CRCP: variants seen among roughly 807,000 people sequenced by gnomAD.
CRCP encodes DNA-directed RNA polymerase III subunit RPC9.
A neutral mutation model predicts 18.5 loss-of-function variants in CRCP; 18 were observed. The ratio of observed to expected loss-of-function variants is 0.97; its 90% CI spans 0.67 to 1.44. The LOEUF is 1.44. Among genes scored for constraint, CRCP ranks in the 40% most tolerant of loss-of-function variants. The pLI is 0.00. For synonymous variants in CRCP, 53 were observed against 62.9 expected (o/e 0.84, Z 0.75); for missense variants, 130 against 176.4 (o/e 0.74, Z 1.49).
intron 5 of CRCP, among the ~76,000 whole-genome samples, chr7:66,147,110 G>T (rs766188794): frequency 6.6e-6 from 1 of 152,134 alleles, no homozygotes; most frequent in Non-Finnish European, 1.5e-5. Flanking sequence ...GAGAGGCCAA[G>T]GTGGGCAGAT....
Position 66,118,472 on chromosome 7 carries a change from A to G in CRCP, c.8+3502A>G, listed in dbSNP as rs138968903. Among the ~76,000 whole-genome samples the G allele has an allele frequency of 1.8e-3, 277 of 152,352 alleles. 1 individual carries two copies. The highest frequency in any genetic ancestry group is 6.3e-3 in the African/African-American group (261 of 41,590). On this transcript the variant is annotated intron_variant, in intron 1 of 5. Coordinates refer to ENST00000395326, the MANE Select transcript of CRCP (RefSeq NM_014478.5). Reference sequence around the variant, plus strand: ...CTGTTCACCTAGTGCTTAGCATTGCATCTGGCACACAGTAGGCATTCAGCA... The same window carrying G: ...CTGTTCACCTAGTGCTTAGCATTGCGTCTGGCACACAGTAGGCATTCAGCA...
chr7:66,143,442 C>T (rs1032748907), intron 4 of CRCP, among the ~76,000 whole-genome samples: 2 of 152,148 alleles, frequency 1.3e-5, no homozygotes, highest in Admixed American at 6.5e-5. Context: ...CCTAAAACTC[C>T]GGGAGCTTTC....
chr7:66,118,455 C>T (rs995375391), intron 1 of CRCP, among the ~76,000 whole-genome samples: 2 of 152,160 alleles, frequency 1.3e-5, no homozygotes, highest in African/African-American at 4.8e-5. Context: ...GTCTGTTCAC[C>T]TAGTGCTTAG....
At chr7:66,127,874 G>T (rs1787662147) in intron 2 of CRCP, 134 bp downstream of exon 2, 1 of 929,800 alleles carries the variant, frequency 1.1e-6, no homozygotes. Context: ...AGCACTTTGG[G>T]AGGCTGAGGC....
At chr7:66,139,117 T>C (rs1435234755) in intron 4 of CRCP, among the ~76,000 whole-genome samples, 1 of 152,206 alleles carries the variant, frequency 6.6e-6, no homozygotes. Flanking sequence ...TCTCTTTTTT[T>C]TCCTGTCTCT....
chr7:66,117,737 C>T (rs1787312771), intron 1 of CRCP, among the ~76,000 whole-genome samples: 1 of 152,126 alleles, frequency 6.6e-6, no homozygotes, highest in Admixed American at 6.6e-5. Context: ...CATTGACTTT[C>T]CATTGTACTT....
At chr7:66,130,664 T>G (rs1399207047) in intron 2 of CRCP, 80 bp from the exon 3 acceptor site, 1 of 802,150 alleles carries the variant, frequency 1.2e-6, no homozygotes, top group East Asian at 2.5e-5. Flanking sequence ...ACTTTCCTGT[T>G]TATCCTTCAA....
At chr7:66,125,314 G>A (rs895193160) in intron 1 of CRCP, among the ~76,000 whole-genome samples, 4 of 149,046 alleles carry the variant, frequency 2.7e-5, no homozygotes, top group Non-Finnish European at 4.5e-5. Context: ...GATAAAAACT[G>A]CCTTTAAAAA....
intron 3 of CRCP, among the ~76,000 whole-genome samples, chr7:66,133,277 G>C (rs1238957641): frequency 6.6e-6 from 1 of 152,042 alleles, no homozygotes; most frequent in African/African-American, 2.4e-5. Flanking sequence ...AGGCCGAGGC[G>C]GGTGGATCAC....
At chr7:66,129,208 C>T (rs1787712632) in intron 2 of CRCP, among the ~76,000 whole-genome samples, 1 of 152,144 alleles carries the variant, frequency 6.6e-6, no homozygotes, top group South Asian at 2.1e-4. Context: ...TGGCGGGCGC[C>T]TGTAATCCCA....
Position 66,131,148 on chromosome 7 carries a change from G to A in CRCP, c.144+306G>A, listed in dbSNP as rs1787791257. Among the ~76,000 whole-genome samples, 3 of 151,890 alleles carry A rather than the reference G, an allele frequency of 2.0e-5. No individual in the cohort carries two copies. The South Asian group carries it at 6.2e-4, about 32-fold the overall frequency. On this transcript the variant is annotated intron_variant, in intron 3 of 5. Transcript: ENST00000395326. The stretch of plus-strand genomic sequence containing the variant: ...CTCCACCACGGCCAGCTGATTTTTT[G>A]TATTTTTAGTAGAGACAGGGTTTCA...
chr7:66,115,190 C>T lies in CRCP; in HGVS notation c.8+220C>T, dbSNP rs571937205. ...CTTCCCCTCCACGCCGTGTCTGGTG[C>T]GGGGCCGAGCACTTCCGTGTCCGGC... On this transcript the variant is annotated intron_variant, in intron 1 of 5. Transcript: ENST00000395326. 2.1e-3 allele frequency among the ~76,000 whole-genome samples: 324 copies of T among 152,284 alleles called. 2 individuals are homozygous for T. Among genetic ancestry groups the T allele is most frequent in the African/African-American group, 7.6e-3 (317 of 41,556 alleles).
chr7:66,142,553 G>A (rs1287364655), intron 4 of CRCP, among the ~76,000 whole-genome samples: 2 of 152,186 alleles, frequency 1.3e-5, no homozygotes, highest in Non-Finnish European at 2.9e-5. Flanking sequence ...GAGTGCAGTG[G>A]TGTGATCATA....
At chr7:66,117,742 G>A (rs190758371) in intron 1 of CRCP, among the ~76,000 whole-genome samples, 1 of 152,208 alleles carries the variant, frequency 6.6e-6, no homozygotes, top group East Asian at 1.9e-4. Context: ...ACTTTCCATT[G>A]TACTTAGAGA....
rs5884583 is a variant in CRCP at position 66,134,259 on chromosome 7, C to CT, written c.145-6dup. ...TCTTTGTCTTATGCTTGGCTTTTTT[C>CT]TTTTTTTTTTTTTTTGCCAGACGTT... On this transcript the variant is annotated intron_variant, in intron 3 of 5. Coordinates refer to ENST00000395326, the MANE Select transcript of CRCP (RefSeq NM_014478.5). The CT allele has an allele frequency of 6.9e-3, 9,480 of 1,383,218 alleles. 5 individuals carry two copies. The highest frequency in any genetic ancestry group is 7.7e-3 in the African/African-American group (494 of 63,776). 85.7% of individuals were successfully genotyped at this position (1,383,218 alleles called of 1,614,324 possible). A position where few individuals can be genotyped will look rare whatever the true frequency, so the allele number is the denominator to read the frequency against.
At chr7:66,131,771 C>CTT (rs890802726) in intron 3 of CRCP, among the ~76,000 whole-genome samples, 2 of 144,432 alleles carry the variant, frequency 1.4e-5, no homozygotes, top group African/African-American at 5.0e-5. Context: ...AATCATTTTT[C>CTT]TTTTTTTTTT....
intron 5 of CRCP, 114 bp from the exon 6 acceptor site, chr7:66,152,094 G>A: frequency 4.3e-6 from 5 of 1,169,960 alleles, no homozygotes; most frequent in Non-Finnish European, 6.1e-6. Flanking sequence ...GAGGACCCAG[G>A]CTGTGAGGTC....
chr7:66,149,014 A>C (rs1000966555), intron 5 of CRCP, among the ~76,000 whole-genome samples: 1 of 152,230 alleles, frequency 6.6e-6, no homozygotes, highest in African/African-American at 2.4e-5. Context: ...GGCGACTTCA[A>C]GTTGCCATTT....
chr7:66,150,603 A>G (rs1247813106), intron 5 of CRCP: 1 of 152,004 alleles, frequency 6.6e-6, no homozygotes, highest in Non-Finnish European at 1.5e-5. Context: ...GGCGTGTCAC[A>G]TGACTTCCTG....
Sources: gnomAD v4.1 joint callset for allele counts (sites outside exome capture counted in the v4.1 genomes callset) on GRCh38, gnomAD v4.1.1 for gene constraint, MANE v1.5 for transcripts, NCBI Gene and HGNC (gene_info 2026-07-23, HGNC 2026-07-21) for gene names.